Variants in NOL4 observed in about 807,000 individuals in gnomAD.
The protein encoded by NOL4 is nucleolar protein 4.
In NOL4, 17 loss-of-function variants were observed where a neutral mutation model predicts 75.9. That is an observed-to-expected ratio of 0.22 (90% CI 0.15 to 0.34). The LOEUF (loss-of-function observed/expected upper bound fraction) is 0.34. NOL4 is among the 10% of genes least tolerant of loss of function. The probability of loss-of-function intolerance (pLI) is 1.00; values close to 1 mark genes in which losing one functional copy is unlikely to be tolerated. For missense variants in NOL4, 614 were observed against 793.5 expected, an observed-to-expected ratio of 0.77 and a Z score of 2.72; for synonymous variants, 292 against 289.9, an observed-to-expected ratio of 1.01 and a Z score of -0.07.
chr18:34,148,337 T>G (rs1457276442), intron 1 of NOL4, among the ~76,000 whole-genome samples: 1 of 152,130 alleles, frequency 6.6e-6, no homozygotes, highest in African/African-American at 2.4e-5. Flanking sequence ...TACAGCTTTC[T>G]GCTGTGGGCA....
intron 6 of NOL4, among the ~76,000 whole-genome samples, chr18:33,976,376 TGA>T (rs2071489120): frequency 1.6e-5 from 2 of 121,908 alleles, no homozygotes; most frequent in South Asian, 2.2e-4. Context: ...AAGAATTTCT[TGA>T]GAGAGTTTAC....
chr18:34,068,001 C>T (rs912339333), intron 5 of NOL4, among the ~76,000 whole-genome samples: 4 of 151,596 alleles, frequency 2.6e-5, no homozygotes, highest in African/African-American at 7.3e-5. Flanking sequence ...AAAGATGAAG[C>T]CACAAGGCAC....
In NOL4 at chr18:34,129,973, C is replaced by T. The variant is rs1237808210; in HGVS notation, c.312G>A (p.Val104=). ...AAATAATGTCAAAGAAATCTTCAAC[C>T]ACAGCTACCCGTCGTAAAGATAGCT... ...DEKLSLRRVA[V]VEDFFDIIYS... is the part of the protein sequence containing the mutation. The change falls in exon 2 of 11, where the codon GTG becomes GTA. Residue 104 remains valine (V), a synonymous_variant. Transcript: ENST00000261592. 1 of 1,595,806 alleles carries T rather than the reference C, an allele frequency of 6.3e-7. No individual in the cohort carries two copies. Among genetic ancestry groups the T allele is most frequent in the East Asian group, 2.3e-5 (1 of 43,980 alleles).
chr18:34,115,885 C>T (rs913190808), intron 2 of NOL4, among the ~76,000 whole-genome samples: 4 of 152,030 alleles, frequency 2.6e-5, no homozygotes, highest in Non-Finnish European at 5.9e-5. Flanking sequence ...GAATTATCTA[C>T]GGTTGTGGAG....
chr18:34,177,723 A>G (rs1032584786), intron 1 of NOL4, among the ~76,000 whole-genome samples: 6 of 151,868 alleles, frequency 4.0e-5, no homozygotes, highest in Admixed American at 4.0e-4. Context: ...TCAAAGCACT[A>G]AAGAAAATAA....
intron 6 of NOL4, among the ~76,000 whole-genome samples, chr18:33,967,636 C>G (rs1432164357): frequency 6.6e-6 from 1 of 152,074 alleles, no homozygotes; most frequent in African/African-American, 2.4e-5. Flanking sequence ...AACAACCCCA[C>G]TAAAAAGTGG....
chr18:34,023,462 G>C (rs1385360452), intron 5 of NOL4: 1 of 456,194 alleles, frequency 2.2e-6, no homozygotes, highest in South Asian at 1.5e-5. Flanking sequence ...GGTCCATCCT[G>C]AGTAGCTGCT....
At chr18:34,194,557 GA>G (rs938585625) in intron 1 of NOL4, among the ~76,000 whole-genome samples, 4 of 151,434 alleles carry the variant, frequency 2.6e-5, no homozygotes, top group African/African-American at 7.3e-5. Context: ...AGTAAGCTGG[GA>G]AAAAAAATGT....
rs772761092 is a variant in NOL4 at position 34,019,427 on chromosome 18, G to T, written c.947C>A (p.Thr316Asn). The T allele has an allele frequency of 6.2e-7, 1 of 1,613,890 alleles. No individual in the cohort carries two copies. Among genetic ancestry groups the T allele is most frequent in the South Asian group, 1.1e-5 (1 of 91,066 alleles). Residue 316 changes from threonine to asparagine, a missense_variant, in exon 6 of 11, where the codon ACT becomes AAT. Around this residue, in one of 9 missense-constraint regions of NOL4, gnomAD observed 196 missense variants for 167.9 expected, o/e 1.17. Coordinates refer to ENST00000261592, the MANE Select transcript of NOL4 (RefSeq NM_003787.5). Reference sequence around the variant, plus strand: ...GTGATCATCTATTCTGTATTCCGAAGTTAGCTGCGCAGAGAGGGGACTGTC... The same window carrying T: ...GTGATCATCTATTCTGTATTCCGAATTTAGCTGCGCAGAGAGGGGACTGTC... ...LSDSPLSAQL[T>N]SEYRIDDHNS...
chr18:34,100,692 AG>A (rs2079007223), intron 4 of NOL4, among the ~76,000 whole-genome samples: 1 of 152,060 alleles, frequency 6.6e-6, no homozygotes, highest in African/African-American at 2.4e-5. Flanking sequence ...CCCAAATCAA[AG>A]TTATTGGGCT....
At chr18:34,148,667 G>A (rs1013203808) in intron 1 of NOL4, among the ~76,000 whole-genome samples, 1 of 151,992 alleles carries the variant, frequency 6.6e-6, no homozygotes, top group Non-Finnish European at 1.5e-5. Flanking sequence ...GTGAGACGTG[G>A]TGCTTAGAAG....
intron 9 of NOL4, among the ~76,000 whole-genome samples, chr18:33,895,926 T>C (rs915350107): frequency 2.6e-5 from 4 of 152,082 alleles, no homozygotes; most frequent in Non-Finnish European, 4.4e-5. Flanking sequence ...GCCCTAAAGC[T>C]CCTACAGCTG....
intron 7 of NOL4, among the ~76,000 whole-genome samples, chr18:33,957,874 C>G (rs2069776436): frequency 6.6e-6 from 1 of 152,096 alleles, no homozygotes; most frequent in Admixed American, 6.6e-5. Context: ...GCACAGTGGA[C>G]TAATCTCTGA....
intron 1 of NOL4, among the ~76,000 whole-genome samples, chr18:34,200,313 G>C (rs1417424994): frequency 6.6e-6 from 1 of 151,724 alleles, no homozygotes; most frequent in African/African-American, 2.4e-5. Flanking sequence ...CTCATAAAGA[G>C]ATGAAATTGT....
intron 1 of NOL4, among the ~76,000 whole-genome samples, chr18:34,216,204 T>A (rs2036877608): frequency 6.6e-6 from 1 of 152,108 alleles, no homozygotes; most frequent in African/African-American, 2.4e-5. Context: ...TTCAAATATA[T>A]CTTAGCAAAA....
intron 9 of NOL4, among the ~76,000 whole-genome samples, chr18:33,899,149 T>A (rs1035962983): frequency 6.6e-6 from 1 of 152,200 alleles, no homozygotes; most frequent in African/African-American, 2.4e-5. Flanking sequence ...CAAGTAACAA[T>A]GTTGTGTTGA....
chr18:34,215,286 C>T (rs1243980496), intron 1 of NOL4, among the ~76,000 whole-genome samples: 1 of 152,066 alleles, frequency 6.6e-6, no homozygotes, highest in Non-Finnish European at 1.5e-5. Flanking sequence ...TATAATGTCC[C>T]ATTATGTCAT....
intron 2 of NOL4, among the ~76,000 whole-genome samples, chr18:34,112,463 A>T (rs1363420460): frequency 6.6e-6 from 1 of 151,980 alleles, no homozygotes; most frequent in Non-Finnish European, 1.5e-5. Context: ...TTAATTTTAT[A>T]TGTGTATATA....
chr18:34,201,004 C>T (rs987851785), intron 1 of NOL4, among the ~76,000 whole-genome samples: 1 of 151,748 alleles, frequency 6.6e-6, no homozygotes, highest in Admixed American at 6.6e-5. Context: ...TACTATACTC[C>T]TATGCTGCTC....
Sources: gnomAD v4.1 joint callset for allele counts (sites outside exome capture counted in the v4.1 genomes callset) on GRCh38, gnomAD v4.1.1 for gene constraint, gnomAD v4.1.1 regional missense constraint, MANE v1.5 for transcripts, NCBI Gene and HGNC (gene_info 2026-07-23, HGNC 2026-07-21) for gene names.